The following ARHGEF3 variants were observed in gnomAD, a reference collection of about 807,000 sequenced individuals.
The protein encoded by ARHGEF3 is Rho guanine nucleotide exchange factor 3, also known as 59.8 kDA protein.
In ARHGEF3, 28 loss-of-function variants were observed where a neutral mutation model predicts 63.2. The observed-to-expected ratio is 0.44, with a 90% confidence interval of 0.33 to 0.61. The LOEUF (loss-of-function observed/expected upper bound fraction) is 0.61, where lower values mean the gene tolerates loss of function less well. Ranked by LOEUF, ARHGEF3 falls within the 20% of genes least tolerant of loss-of-function variation. The pLI, the probability that ARHGEF3 is intolerant of heterozygous loss-of-function variation, is 0.03. For missense variants in ARHGEF3, 533 were observed against 659.3 expected (o/e 0.81, Z 2.10); for synonymous variants, 266 against 254.2 (o/e 1.05, Z -0.44).
At chr3:56,840,064 C>A (rs559111727) in intron 4 of ARHGEF3, among the ~76,000 whole-genome samples, 2 of 152,100 alleles carry the variant, frequency 1.3e-5, no homozygotes, top group Non-Finnish European at 2.9e-5. Context: ...GAGGATCAGA[C>A]GGAGCTCTGG....
At chr3:56,893,811 CAAAAAAAAAAAAAAAAAAAAA>C (rs537483698) in intron 3 of ARHGEF3, among the ~76,000 whole-genome samples, 64 of 79,560 alleles carry the variant, frequency 8.0e-4, no homozygotes, top group African/African-American at 1.7e-3. Flanking sequence ...GACTCTGTCT[CAAAAAAAAAAAAAAAAAAAAA>C]AAAAAAAAAA....
chr3:56,884,714 G>A (rs564391604), intron 3 of ARHGEF3, among the ~76,000 whole-genome samples: 16 of 152,338 alleles, frequency 1.1e-4, no homozygotes, highest in East Asian at 3.9e-4. Flanking sequence ...CACAGCTGCC[G>A]TTTTTGAGGA....
rs529144240 is a variant in ARHGEF3, at chr3:56,798,342, A to G, written c.96+3361T>C. On this transcript the variant is annotated intron_variant, in intron 1 of 9. Coordinates refer to ENST00000296315, the MANE Select transcript of ARHGEF3 (RefSeq NM_019555.3). ...AGGCCTAATCTGACCAATATCTAAG[A>G]TGGTAAATTTTAAAACTGAAAGTAA... is the stretch of plus-strand genomic sequence containing the variant. Among the ~76,000 whole-genome samples the G allele has an allele frequency of 5.9e-5, 9 of 152,352 alleles. No homozygotes were observed. In the East Asian group the frequency reaches 1.5e-3, roughly 26 times the overall value.
intron 3 of ARHGEF3, among the ~76,000 whole-genome samples, chr3:56,943,098 G>A (rs927973151): frequency 6.6e-6 from 1 of 152,194 alleles, no homozygotes; most frequent in Admixed American, 6.5e-5. Flanking sequence ...TATGATAATC[G>A]ACAAAGGTGG....
At chr3:56,982,318 T>C (rs1246464690) in intron 2 of ARHGEF3, among the ~76,000 whole-genome samples, 1 of 151,562 alleles carries the variant, frequency 6.6e-6, no homozygotes, top group Non-Finnish European at 1.5e-5. Context: ...AAAAGAACTA[T>C]GCTTTGTTTC....
chr3:56,862,214 G>T (rs1057271106), intron 4 of ARHGEF3, among the ~76,000 whole-genome samples: 5 of 151,754 alleles, frequency 3.3e-5, no homozygotes, highest in Non-Finnish European at 5.9e-5. Flanking sequence ...CTGTAAGTGT[G>T]AGAGATGCAA....
intron 1 of ARHGEF3, chr3:57,075,019 C>T (rs1356539202): frequency 6.0e-6 from 1 of 167,162 alleles, no homozygotes; most frequent in Non-Finnish European, 1.5e-5. Context: ...TAGACCATGT[C>T]CAGTGCTCAG....
chr3:56,906,768 A>G (rs1055298862), intron 3 of ARHGEF3, among the ~76,000 whole-genome samples: 2 of 151,554 alleles, frequency 1.3e-5, no homozygotes, highest in Admixed American at 6.6e-5. Context: ...CCTGCGAGGC[A>G]AGAGGTTGCA....
chr3:56,742,933 A>C (rs2107725113), intron 7 of ARHGEF3, among the ~76,000 whole-genome samples: 1 of 152,340 alleles, frequency 6.6e-6, no homozygotes, highest in Non-Finnish European at 1.5e-5. Context: ...AAAAAAACAG[A>C]ACAGTATTCT....
chr3:56,747,279 G>C (rs773173433), intron 6 of ARHGEF3, among the ~76,000 whole-genome samples: 1 of 152,140 alleles, frequency 6.6e-6, no homozygotes, highest in African/African-American at 2.4e-5. Flanking sequence ...GAGGAACCTC[G>C]ACCACACTGC....
At chr3:56,979,921 G>A (rs1701261679) in intron 2 of ARHGEF3, among the ~76,000 whole-genome samples, 1 of 152,156 alleles carries the variant, frequency 6.6e-6, no homozygotes. Context: ...TGAGACTACT[G>A]ACGGTGGTGG....
intron 2 of ARHGEF3, among the ~76,000 whole-genome samples, chr3:57,018,017 C>T (rs1703092877): frequency 2.0e-5 from 3 of 152,184 alleles, no homozygotes; most frequent in Admixed American, 6.5e-5. Flanking sequence ...CAGTGGCTCA[C>T]GCTGTAATCC....
At chr3:56,829,491 T>C (rs2038853248) in intron 4 of ARHGEF3, among the ~76,000 whole-genome samples, 1 of 152,192 alleles carries the variant, frequency 6.6e-6, no homozygotes. Flanking sequence ...TAGCTATCCC[T>C]GCAGCCCTAC....
At chr3:57,024,960 C>T (rs1303391697) in intron 2 of ARHGEF3, among the ~76,000 whole-genome samples, 4 of 152,290 alleles carry the variant, frequency 2.6e-5, no homozygotes, top group South Asian at 4.1e-4. Context: ...ATGTCACCCA[C>T]GAGGGCCTCT....
chr3:57,054,203 T>C (rs755257637), intron 1 of ARHGEF3, among the ~76,000 whole-genome samples: 1 of 152,232 alleles, frequency 6.6e-6, no homozygotes, highest in African/African-American at 2.4e-5. Flanking sequence ...GGTGGGTATA[T>C]AGTAGTATCT....
chr3:56,755,056 A>G lies in ARHGEF3; in HGVS notation c.300T>C (p.Asp100=), dbSNP rs147377987. The G allele has an allele frequency of 1.2e-5, 20 of 1,613,982 alleles. No homozygotes were observed. Among genetic ancestry groups the G allele is most frequent in the Non-Finnish European group, 1.6e-5 (19 of 1,180,032 alleles). ...NAAPSSTKRR[D]SKLWSETFDV... is the part of the protein sequence containing the mutation. ...CGAAGGTCTCACTCCACAGCTTGCT[A>G]TCTCTCCGTTTCGTGCTCGAGGGGG... The change falls in exon 3 of 10, where the codon GAT becomes GAC. Residue 100 remains aspartate, a synonymous_variant. Transcript: ENST00000296315.
chr3:57,027,517 G>A (rs1395552993), intron 2 of ARHGEF3, among the ~76,000 whole-genome samples: 1 of 152,162 alleles, frequency 6.6e-6, no homozygotes, highest in Admixed American at 6.6e-5. Context: ...ACAAGAACAG[G>A]TGGGGTGGTG....
intron 2 of ARHGEF3, among the ~76,000 whole-genome samples, chr3:56,763,897 T>C (rs1460096544): frequency 6.6e-6 from 1 of 152,126 alleles, no homozygotes; most frequent in Non-Finnish European, 1.5e-5. Context: ...CATCTTTTAA[T>C]TCTCTACATT....
chr3:56,910,407 C>T (rs1385995778), intron 3 of ARHGEF3, among the ~76,000 whole-genome samples: 1 of 152,176 alleles, frequency 6.6e-6, no homozygotes, highest in Non-Finnish European at 1.5e-5. Flanking sequence ...TCACTAGAGG[C>T]AGCAAACTGG....
Sources: allele counts gnomAD v4.1 joint callset (sites outside exome capture counted in the v4.1 genomes callset), GRCh38; gene constraint gnomAD v4.1.1; transcripts MANE v1.5; gene names NCBI Gene and HGNC (gene_info 2026-07-23, HGNC 2026-07-21).